Variants in CTNNBL1 observed in about 807,000 individuals in gnomAD.
CTNNBL1 encodes catenin beta like 1, also known as beta-catenin-like protein 1.
CTNNBL1 carries 31 observed loss-of-function variants against 72.7 expected under a neutral mutation model. The ratio of observed to expected loss-of-function variants is 0.43; its 90% CI spans 0.32 to 0.58. CTNNBL1 has a LOEUF of 0.58. Among genes scored for constraint, CTNNBL1 ranks in the 20% least tolerant of loss-of-function variants. CTNNBL1 has a pLI of 0.08. For missense variants in CTNNBL1, 534 were observed against 725.1 expected (o/e 0.74, Z 3.03); for synonymous variants, 240 against 267.3 (o/e 0.90, Z 1.00).
intron 1 of CTNNBL1, among the ~76,000 whole-genome samples, chr20:37,724,362 A>G (rs1472686173): frequency 6.6e-6 from 1 of 152,188 alleles, no homozygotes; most frequent in East Asian, 1.9e-4. Context: ...GTCTTGAAAA[A>G]TGTAATTTTT....
intron 11 of CTNNBL1, among the ~76,000 whole-genome samples, chr20:37,838,225 T>C (rs1224128905): frequency 1.3e-5 from 2 of 152,228 alleles, no homozygotes; most frequent in African/African-American, 4.8e-5. Context: ...TAAACAGACC[T>C]GACGTTAGGT....
At chr20:37,746,864 G>A (rs921750357) in intron 4 of CTNNBL1, among the ~76,000 whole-genome samples, 4 of 152,250 alleles carry the variant, frequency 2.6e-5, no homozygotes, top group Admixed American at 6.5e-5. Flanking sequence ...AATTCATCGT[G>A]ATATATCTGT....
At position 37,737,367 on chromosome 20, in the gene CTNNBL1, C is replaced by T; in HGVS notation, c.220-11C>T. On this transcript the variant is annotated splice_polypyrimidine_tract_variant and intron_variant, in intron 2 of 15. Coordinates refer to ENST00000361383, the MANE Select transcript of CTNNBL1 (RefSeq NM_030877.5). ...TGGACTGAAGTTTTTGCATTTGTCT[C>T]TTTGTACCAGGAGGAGCCATTGGAT... is the stretch of plus-strand genomic sequence containing the variant. 1.2e-6 allele frequency: 2 copies of T among 1,602,940 alleles called. No homozygotes were observed. The highest frequency in any genetic ancestry group is 1.3e-5 in the African/African-American group (1 of 74,632).
At chr20:37,694,181 C>T (rs1387755061) in intron 1 of CTNNBL1, 29 bp downstream of exon 1, 7 of 1,577,416 alleles carry the variant, frequency 4.4e-6, no homozygotes, top group Non-Finnish European at 6.0e-6. Context: ...GCCGAGCGAC[C>T]GCGTTCTCAC....
intron 11 of CTNNBL1, among the ~76,000 whole-genome samples, chr20:37,827,936 C>G (rs2072174208): frequency 6.6e-6 from 1 of 151,976 alleles, no homozygotes; most frequent in Non-Finnish European, 1.5e-5. Context: ...ATGCCATGTT[C>G]CTTCATATCT....
At chr20:37,701,829 G>A (rs1392886816) in intron 1 of CTNNBL1, among the ~76,000 whole-genome samples, 3 of 151,626 alleles carry the variant, frequency 2.0e-5, no homozygotes, top group Non-Finnish European at 2.9e-5. Flanking sequence ...CTCAGCTGCA[G>A]ATGTGTGGCG....
intron 10 of CTNNBL1, among the ~76,000 whole-genome samples, chr20:37,793,769 T>C (rs1009012007): frequency 1.3e-5 from 2 of 152,194 alleles, no homozygotes; most frequent in African/African-American, 4.8e-5. Flanking sequence ...AGTGGTCAAG[T>C]GGTCAGTTAT....
chr20:37,798,991 G>A (rs116411509), intron 10 of CTNNBL1, among the ~76,000 whole-genome samples: 1 of 151,584 alleles, frequency 6.6e-6, no homozygotes, highest in African/African-American at 2.4e-5. Flanking sequence ...ACAAGTCTCT[G>A]TTAGAATTTT....
chr20:37,869,640 G>A (rs912157117), intron 15 of CTNNBL1, among the ~76,000 whole-genome samples: 1 of 152,220 alleles, frequency 6.6e-6, no homozygotes, highest in Admixed American at 6.5e-5. Flanking sequence ...GCCTGGGGCC[G>A]GGTGTGGGAG....
chr20:37,777,139 G>A (rs1050875476), intron 7 of CTNNBL1: 1 of 511,076 alleles, frequency 2.0e-6, no homozygotes, highest in Non-Finnish European at 3.6e-6. Context: ...TGGGCATTAA[G>A]AGTGTGAGAG....
chr20:37,848,448 G>A (rs927570611), intron 13 of CTNNBL1, among the ~76,000 whole-genome samples: 2 of 152,060 alleles, frequency 1.3e-5, no homozygotes, highest in East Asian at 1.9e-4. Flanking sequence ...GAGCCACTGC[G>A]CCTAGCCTAG....
At chr20:37,763,095 G>A (rs1321622993) in intron 5 of CTNNBL1, among the ~76,000 whole-genome samples, 1 of 152,216 alleles carries the variant, frequency 6.6e-6, no homozygotes, top group Admixed American at 6.5e-5. Context: ...TGCAGAACTG[G>A]CAAGCAGTGT....
chr20:37,720,480 C>T (rs576310017), intron 1 of CTNNBL1, among the ~76,000 whole-genome samples: 12 of 152,024 alleles, frequency 7.9e-5, no homozygotes, highest in East Asian at 3.9e-4. Context: ...AAAACCTTTT[C>T]GACAGGATGA....
At chr20:37,775,491 A>G (rs1199568325) in intron 7 of CTNNBL1, among the ~76,000 whole-genome samples, 1 of 152,254 alleles carries the variant, frequency 6.6e-6, no homozygotes, top group South Asian at 2.1e-4. Flanking sequence ...TGAATTAAAT[A>G]TGACACCCCA....
At chr20:37,735,219 C>T (rs139922809) in intron 2 of CTNNBL1, among the ~76,000 whole-genome samples, 14 of 152,282 alleles carry the variant, frequency 9.2e-5, no homozygotes, top group African/African-American at 3.1e-4. Context: ...CCTTCCCCTC[C>T]CCTCCCCTCC....
At chr20:37,799,436 C>A (rs2073805236) in intron 10 of CTNNBL1, among the ~76,000 whole-genome samples, 1 of 152,160 alleles carries the variant, frequency 6.6e-6, no homozygotes, top group Non-Finnish European at 1.5e-5. Context: ...ACAGGCTGCA[C>A]ACACCTTTGC....
At chr20:37,711,667 GT>G (rs1235131449) in intron 1 of CTNNBL1, among the ~76,000 whole-genome samples, 4 of 151,540 alleles carry the variant, frequency 2.6e-5, no homozygotes, top group African/African-American at 9.7e-5. Flanking sequence ...AGCAGTGGCT[GT>G]TTATTTTGGA....
In CTNNBL1 at chr20:37,771,568, CTT is replaced by C. The variant is rs11477083; in HGVS notation, c.750+3536_750+3537del. 2.8e-3 allele frequency among the ~76,000 whole-genome samples: 410 copies of C among 146,880 alleles called. 3 individuals carry two copies. The highest frequency in any genetic ancestry group is 4.8e-3 in the South Asian group (22 of 4,624). Reference sequence around the variant, plus strand: ...TTGGCCTTTGTTACCTTTTAGATACCTTTTTTTTTTTTTAAACCTATCTCCTG... The same window carrying C: ...TTGGCCTTTGTTACCTTTTAGATACCTTTTTTTTTTTAAACCTATCTCCTG... On this transcript the variant is annotated intron_variant, in intron 7 of 15. Transcript: ENST00000361383.
intron 10 of CTNNBL1, among the ~76,000 whole-genome samples, chr20:37,780,248 T>C (rs991641042): frequency 1.3e-5 from 2 of 152,132 alleles, no homozygotes; most frequent in South Asian, 2.1e-4. Context: ...AGATATTTCT[T>C]TGGAAAGGTT....
Sources: gnomAD v4.1 joint callset for allele counts (sites outside exome capture counted in the v4.1 genomes callset) on GRCh38, gnomAD v4.1.1 for gene constraint, MANE v1.5 for transcripts, NCBI Gene and HGNC (gene_info 2026-07-23, HGNC 2026-07-21) for gene names.